Variants in MLLT3 observed in about 807,000 individuals in gnomAD.
MLLT3 encodes MLLT3 super elongation complex subunit, also known as protein AF-9.
A neutral mutation model predicts 53.2 loss-of-function variants in MLLT3; 4 were observed. That is an observed-to-expected ratio of 0.08 (90% CI 0.04 to 0.17). The LOEUF is 0.17. Among genes scored for constraint, MLLT3 ranks in the 10% least tolerant of loss-of-function variants. The pLI is 1.00. For missense variants in MLLT3, 569 were observed against 684.0 expected (o/e 0.83, Z 1.87); for synonymous variants, 283 against 230.6 (o/e 1.23, Z -2.06).
chr9:20,543,654 A>G (rs566704679), intron 2 of MLLT3, among the ~76,000 whole-genome samples: 3 of 151,724 alleles, frequency 2.0e-5, no homozygotes, highest in Non-Finnish European at 4.4e-5. Context: ...AAAGAAGAAG[A>G]AGGAAAAGAA....
At chr9:20,488,908 A>C (rs1824878701) in intron 2 of MLLT3, among the ~76,000 whole-genome samples, 1 of 152,230 alleles carries the variant, frequency 6.6e-6, no homozygotes, top group African/African-American at 2.4e-5. Flanking sequence ...CAGCCTCTGT[A>C]ATAAAATTCA....
intron 2 of MLLT3, among the ~76,000 whole-genome samples, chr9:20,540,090 T>C (rs1462706808): frequency 1.3e-5 from 2 of 152,228 alleles, no homozygotes; most frequent in African/African-American, 4.8e-5. Context: ...ACTTCGTGTC[T>C]CACATCTAGG....
intron 8 of MLLT3, among the ~76,000 whole-genome samples, chr9:20,355,404 A>C (rs1048351156): frequency 1.3e-5 from 2 of 152,230 alleles, no homozygotes; most frequent in Admixed American, 6.5e-5. Context: ...AAGATGGCCG[A>C]CTATCTTCTG....
At chr9:20,473,114 C>G (rs1563775476) in intron 2 of MLLT3, among the ~76,000 whole-genome samples, 1 of 152,058 alleles carries the variant, frequency 6.6e-6, no homozygotes, top group African/African-American at 2.4e-5. Context: ...CCAGGAGATT[C>G]CGATGCTTGC....
At chr9:20,493,127 G>C (rs1175480520) in intron 2 of MLLT3, among the ~76,000 whole-genome samples, 1 of 151,772 alleles carries the variant, frequency 6.6e-6, no homozygotes, top group Non-Finnish European at 1.5e-5. Context: ...AAAGCTCAGA[G>C]GATTAGGAGT....
intron 10 of MLLT3, among the ~76,000 whole-genome samples, chr9:20,348,501 G>A (rs1377376550): frequency 6.6e-6 from 1 of 152,182 alleles, no homozygotes; most frequent in Admixed American, 6.5e-5. Flanking sequence ...TATGAAAGAT[G>A]GAAGAAAAGA....
chr9:20,480,219 A>G (rs945630152), intron 2 of MLLT3, among the ~76,000 whole-genome samples: 3 of 152,232 alleles, frequency 2.0e-5, no homozygotes, highest in Admixed American at 2.0e-4. Context: ...GAAAGAACGC[A>G]TGCTGTCTTC....
intron 2 of MLLT3, among the ~76,000 whole-genome samples, chr9:20,593,383 G>A (rs1370895956): frequency 6.6e-6 from 1 of 152,088 alleles, no homozygotes; most frequent in East Asian, 1.9e-4. Flanking sequence ...CCCGTTGTTG[G>A]GCTTAGCATC....
In MLLT3 at chr9:20,620,031, CGA is replaced by C. The variant is rs1418347701; in HGVS notation, c.193+621_193+622del. Among the ~76,000 whole-genome samples, 1 of 152,020 alleles carries C rather than the reference CGA, an allele frequency of 6.6e-6. No homozygotes were observed. Among genetic ancestry groups the C allele is most frequent in the Admixed American group, 6.6e-5 (1 of 15,262 alleles). The stretch of plus-strand genomic sequence containing the variant: ...GGCACGCGGGGGTGGGAGGGAGGAA[CGA>C]GTAAGCCCCCCAAGTAAACATAAAA... On this transcript the variant is annotated intron_variant, in intron 2 of 10. Coordinates refer to ENST00000380338, the MANE Select transcript of MLLT3 (RefSeq NM_004529.4). The surrounding 1 kb of genome is among the most constrained non-coding windows in gnomAD (Gnocchi z 6.1).
At chr9:20,377,442 G>C (rs1005707012) in intron 5 of MLLT3, among the ~76,000 whole-genome samples, 1 of 151,646 alleles carries the variant, frequency 6.6e-6, no homozygotes, top group African/African-American at 2.4e-5. Flanking sequence ...AGTATATTTG[G>C]GATTATAAAA....
rs547210649 is a variant in MLLT3, at chr9:20,503,623, C to A, written c.194-46837G>T. 2.8e-3 allele frequency among the ~76,000 whole-genome samples: 430 copies of A among 152,230 alleles called. 3 individuals are homozygous for A. The highest frequency in any genetic ancestry group is 4.4e-3 in the Non-Finnish European group (300 of 67,988). On this transcript the variant is annotated intron_variant, in intron 2 of 10. Coordinates refer to ENST00000380338, the MANE Select transcript of MLLT3 (RefSeq NM_004529.4). ...AAAACATAGCAGAAATTCTCCATGA[C>A]ATTATTCTGGGTGATGATTCTTTGG...
At position 20,414,238 on chromosome 9, in the gene MLLT3, T is replaced by A. The variant is rs1822805029; in HGVS notation, c.608A>T (p.His203Leu). Residue 203 changes from histidine to leucine, a missense_variant, in exon 5 of 11, where the codon CAC (histidine) becomes CTC (leucine). Around this residue, in one of 5 missense-constraint regions of MLLT3, gnomAD observed 437 missense variants for 376.5 expected, o/e 1.16. Coordinates refer to ENST00000380338, the MANE Select transcript of MLLT3 (RefSeq NM_004529.4). ...GGAGTCTTTAGAAGGTTTTTCCTTGTGCTCCTTCATTAATTTGTGAGGCTT... is the reference window on the plus strand; with the variant it reads ...GGAGTCTTTAGAAGGTTTTTCCTTGAGCTCCTTCATTAATTTGTGAGGCTT... ...FSKPHKLMKE[H>L]KEKPSKDSRE... is the part of the protein sequence containing the mutation. 6.2e-7 allele frequency: 1 copy of A among 1,614,062 alleles called. No individual in the cohort carries two copies. Among genetic ancestry groups the A allele is most frequent in the East Asian group, 2.2e-5 (1 of 44,880 alleles).
At chr9:20,417,196 ATATATTATATATATATG>A (rs1353388137) in intron 4 of MLLT3, among the ~76,000 whole-genome samples, 93 of 141,356 alleles carry the variant, frequency 6.6e-4, no homozygotes, top group Non-Finnish European at 1.1e-3. Context: ...TATATATATT[ATATATTATATATATATG>A]GGGGTCTTGT....
intron 2 of MLLT3, among the ~76,000 whole-genome samples, chr9:20,547,822 C>T (rs964789775): frequency 6.6e-6 from 1 of 152,102 alleles, no homozygotes; most frequent in Non-Finnish European, 1.5e-5. Context: ...TGTGGTAGTG[C>T]ACACCTATAG....
At chr9:20,404,152 T>C (rs530530232) in intron 5 of MLLT3, among the ~76,000 whole-genome samples, 2 of 152,162 alleles carry the variant, frequency 1.3e-5, no homozygotes, top group Non-Finnish European at 2.9e-5. Flanking sequence ...AAGGTGGACT[T>C]TGAGAAAGAT....
chr9:20,608,138 T>G (rs1820613215), intron 2 of MLLT3, among the ~76,000 whole-genome samples: 1 of 151,962 alleles, frequency 6.6e-6, no homozygotes, highest in Non-Finnish European at 1.5e-5. Flanking sequence ...TCTTAAAAGT[T>G]CATGTTTAAC....
intron 2 of MLLT3, among the ~76,000 whole-genome samples, chr9:20,563,896 A>G (rs988584178): frequency 2.0e-5 from 3 of 152,210 alleles, no homozygotes; most frequent in Admixed American, 6.6e-5. Context: ...TCATTATCCA[A>G]CTTAGGATAT....
At chr9:20,606,370 TC>T (rs1820569770) in intron 2 of MLLT3, among the ~76,000 whole-genome samples, 1 of 151,908 alleles carries the variant, frequency 6.6e-6, no homozygotes, top group African/African-American at 2.4e-5. Flanking sequence ...GGAGGAAAAC[TC>T]AGAAAAAAAC....
intron 2 of MLLT3, among the ~76,000 whole-genome samples, chr9:20,544,253 G>A (rs1489503138): frequency 6.6e-6 from 1 of 151,976 alleles, no homozygotes; most frequent in Admixed American, 6.6e-5. Context: ...GATTTGGGAG[G>A]GATTTCTTAA....
Sources: allele counts gnomAD v4.1 joint callset (sites outside exome capture counted in the v4.1 genomes callset), GRCh38; gene constraint gnomAD v4.1.1; regional missense constraint gnomAD v4.1.1; non-coding constraint Gnocchi (gnomAD v3.1); transcripts MANE v1.5; gene names NCBI Gene and HGNC (gene_info 2026-07-23, HGNC 2026-07-21).